Variants in ROBO1 observed in about 807,000 individuals in gnomAD.
ROBO1 encodes roundabout homolog 1.
ROBO1 carries 149 observed loss-of-function variants against 195.9 expected under a neutral mutation model. That is an observed-to-expected ratio of 0.76 (90% CI 0.67 to 0.87). The LOEUF (loss-of-function observed/expected upper bound fraction) is 0.87. Among genes scored for constraint, ROBO1 ranks in the 40% least tolerant of loss-of-function variants. The pLI, the probability that ROBO1 is intolerant of heterozygous loss-of-function variation, is 0.00. For missense variants in ROBO1, 1,933 were observed against 2,068.3 expected, an observed-to-expected ratio of 0.93 and a Z score of 1.27; for synonymous variants, 816 against 733.2, an observed-to-expected ratio of 1.11 and a Z score of -1.82.
At chr3:78,889,187 G>T (rs1017590414) in intron 4 of ROBO1, among the ~76,000 whole-genome samples, 1 of 152,076 alleles carries the variant, frequency 6.6e-6, no homozygotes, top group Admixed American at 6.6e-5. Flanking sequence ...GTAAAATATT[G>T]TTGTTGTTTC....
chr3:79,093,414 A>C (rs892476274), intron 3 of ROBO1, among the ~76,000 whole-genome samples: 1 of 152,172 alleles, frequency 6.6e-6, no homozygotes, highest in Non-Finnish European at 1.5e-5. Context: ...AGATTTTATT[A>C]GGGCTTGTCA....
chr3:79,057,236 G>A (rs759850564), intron 3 of ROBO1, among the ~76,000 whole-genome samples: 3 of 151,936 alleles, frequency 2.0e-5, no homozygotes, highest in Non-Finnish European at 4.4e-5. Context: ...CTGCTCAAAA[G>A]GCAGAGTTAA....
At chr3:78,612,258 C>T (rs746408373) in intron 28 of ROBO1, among the ~76,000 whole-genome samples, 6 of 152,164 alleles carry the variant, frequency 3.9e-5, no homozygotes, top group Non-Finnish European at 7.3e-5. Flanking sequence ...ATAATCCATA[C>T]ATTTTGCCCA....
intron 4 of ROBO1, among the ~76,000 whole-genome samples, chr3:78,786,224 ATGTGT>A (rs2083830293): frequency 6.6e-6 from 1 of 152,158 alleles, no homozygotes; most frequent in Non-Finnish European, 1.5e-5. Context: ...TTTGATTTGC[ATGTGT>A]CTTAAAAAAG....
intron 2 of ROBO1, among the ~76,000 whole-genome samples, chr3:79,573,663 A>G (rs938071307): frequency 1.3e-5 from 2 of 152,188 alleles, no homozygotes; most frequent in Admixed American, 6.6e-5. Context: ...ATGACAAATT[A>G]CCAACACATT....
At chr3:79,503,624 G>A (rs767647285) in intron 2 of ROBO1, among the ~76,000 whole-genome samples, 4 of 152,108 alleles carry the variant, frequency 2.6e-5, no homozygotes, top group Admixed American at 1.3e-4. Context: ...GGTCTGTGTC[G>A]AAGGAGCAAG....
In ROBO1 at chr3:78,651,944, T is replaced by C; in HGVS notation, c.2615-15A>G. ...TCCATGGGCATCTGAAAAGTCATCT[T>C]CCGATTAATTTGGGTTGAAGACTCA... On this transcript the variant is annotated splice_polypyrimidine_tract_variant and intron_variant, in intron 18 of 30. Coordinates refer to ENST00000464233, the MANE Select transcript of ROBO1 (RefSeq NM_002941.4). The C allele has an allele frequency of 6.2e-7, 1 of 1,607,782 alleles. No individual in the cohort carries two copies. The highest frequency in any genetic ancestry group is 8.5e-7 in the Non-Finnish European group (1 of 1,176,174).
At chr3:79,330,273 G>GTA (rs34794861) in intron 2 of ROBO1, among the ~76,000 whole-genome samples, 16,364 of 137,702 alleles carry the variant, frequency 0.12, 1,707 homozygotes, top group African/African-American at 0.29. Context: ...GTATATATAT[G>GTA]TATATATATA....
At chr3:79,640,689 C>G (rs1945633304) in intron 1 of ROBO1, among the ~76,000 whole-genome samples, 1 of 152,110 alleles carries the variant, frequency 6.6e-6, no homozygotes, top group Admixed American at 6.6e-5. Context: ...TGGCACTATT[C>G]TACATTGACC....
intron 2 of ROBO1, among the ~76,000 whole-genome samples, chr3:79,138,288 CA>C (rs1004423038): frequency 6.6e-6 from 1 of 151,924 alleles, no homozygotes; most frequent in Non-Finnish European, 1.5e-5. Flanking sequence ...AGTACACAAT[CA>C]ATACTTTTTT....
At chr3:79,606,607 T>C (rs1295429149) in intron 1 of ROBO1, among the ~76,000 whole-genome samples, 2 of 151,910 alleles carry the variant, frequency 1.3e-5, no homozygotes, top group African/African-American at 4.8e-5. Context: ...TGTTATTCTA[T>C]CCTACTACTG....
intron 2 of ROBO1, among the ~76,000 whole-genome samples, chr3:79,483,584 C>G (rs1489603761): frequency 6.6e-6 from 1 of 152,096 alleles, no homozygotes; most frequent in Admixed American, 6.6e-5. Flanking sequence ...TAGGATGTAA[C>G]CTATTGCTCC....
At chr3:79,386,665 C>T (rs1439728725) in intron 2 of ROBO1, among the ~76,000 whole-genome samples, 1 of 151,998 alleles carries the variant, frequency 6.6e-6, no homozygotes, top group East Asian at 1.9e-4. Context: ...GGTAAAATAC[C>T]CAGGGTAGCT....
At chr3:79,133,968 T>C (rs2080345759) in intron 2 of ROBO1, among the ~76,000 whole-genome samples, 1 of 152,038 alleles carries the variant, frequency 6.6e-6, no homozygotes, top group Admixed American at 6.6e-5. Flanking sequence ...ATTCAGGACA[T>C]AGGCGTGGGC....
intron 10 of ROBO1, among the ~76,000 whole-genome samples, chr3:78,679,913 G>T (rs1446928769): frequency 6.6e-6 from 1 of 151,808 alleles, no homozygotes; most frequent in African/African-American, 2.4e-5. Context: ...GAGGCATCAC[G>T]CTACCTGACT....
intron 8 of ROBO1, among the ~76,000 whole-genome samples, chr3:78,711,711 A>G (rs2081754632): frequency 6.7e-6 from 1 of 149,792 alleles, no homozygotes; most frequent in South Asian, 2.1e-4. Flanking sequence ...CCGGTCTCGA[A>G]CTCCGTACCT....
chr3:78,668,364 A>C, intron 12 of ROBO1, 62 bp from the exon 13 acceptor site: 2 of 1,598,734 alleles, frequency 1.3e-6, no homozygotes, highest in Admixed American at 3.4e-5. Context: ...AAGCGGATAA[A>C]TGCAGATAAC....
intron 1 of ROBO1, among the ~76,000 whole-genome samples, chr3:79,682,916 G>A (rs942860077): frequency 2.0e-5 from 3 of 152,060 alleles, no homozygotes. Context: ...GGTCTTGAAG[G>A]AAGTGAAACA....
intron 2 of ROBO1, among the ~76,000 whole-genome samples, chr3:79,325,350 C>A (rs900238620): frequency 7.9e-5 from 12 of 152,196 alleles, no homozygotes; most frequent in South Asian, 2.1e-4. Context: ...TCATTCTTCA[C>A]CCCTCAAAAA....
Sources: gnomAD v4.1 joint callset for allele counts (sites outside exome capture counted in the v4.1 genomes callset) on GRCh38, gnomAD v4.1.1 for gene constraint, MANE v1.5 for transcripts, NCBI Gene and HGNC (gene_info 2026-07-23, HGNC 2026-07-21) for gene names.